The following ZBTB46 variants were observed in gnomAD, a reference collection of about 807,000 sequenced individuals.
ZBTB46 encodes the protein zinc finger and BTB domain containing 46.
In ZBTB46, 8 loss-of-function variants were observed where a neutral mutation model predicts 44.1. The ratio of observed to expected loss-of-function variants is 0.18; its 90% CI spans 0.11 to 0.33. ZBTB46 has a LOEUF of 0.33. ZBTB46 is among the 10% of genes least tolerant of loss of function. ZBTB46 has a pLI of 1.00. For synonymous variants in ZBTB46, 409 were observed against 382.3 expected (o/e 1.07, Z -0.81); for missense variants, 651 against 847.7 (o/e 0.77, Z 2.88).
At chr20:63,759,813 T>C (rs1441695546) in intron 3 of ZBTB46, among the ~76,000 whole-genome samples, 1 of 152,074 alleles carries the variant, frequency 6.6e-6, no homozygotes, top group African/African-American at 2.4e-5. Flanking sequence ...ATTTAGAACA[T>C]TTCTTTATAC....
intron 1 of ZBTB46, among the ~76,000 whole-genome samples, chr20:63,811,969 C>A (rs529084643): frequency 6.6e-6 from 1 of 152,116 alleles, no homozygotes; most frequent in African/African-American, 2.4e-5. Context: ...AGACTCCAAA[C>A]GTGGAAGCAT....
At position 63,812,736 on chromosome 20, in the gene ZBTB46, C is replaced by T. The variant is rs553499860; in HGVS notation, c.-34+18361G>A. 9.8e-4 allele frequency among the ~76,000 whole-genome samples: 148 copies of T among 151,644 alleles called. 1 individual carries two copies. The highest frequency in any genetic ancestry group is 1.1e-3 in the Non-Finnish European group (75 of 67,932). On this transcript the variant is annotated intron_variant, in intron 1 of 4. Coordinates refer to ENST00000245663, the MANE Select transcript of ZBTB46 (RefSeq NM_001369741.1). ...GGGGGTTGCCATGAGCCAAGACCAC[C>T]CCACTGCACTCCAGCCTGGTGACAG...
Position 63,812,652 on chromosome 20 carries a change from G to A in ZBTB46, c.-34+18445C>T, listed in dbSNP as rs142106418. Among the ~76,000 whole-genome samples, 1,247 of 152,142 alleles carry A rather than the reference G, an allele frequency of 8.2e-3. 12 individuals carry two copies. Among genetic ancestry groups the A allele is most frequent in the Non-Finnish European group, 0.012 (833 of 67,996 alleles). On this transcript the variant is annotated intron_variant, in intron 1 of 4. Transcript: ENST00000245663. ...AAATTAGCTGGGTGTGGTGGCAGGC[G>A]CCTGTAATCCCAACTACTCGGGAGG...
At chr20:63,771,562 C>G (rs535913436) in intron 3 of ZBTB46, among the ~76,000 whole-genome samples, 35 of 152,320 alleles carry the variant, frequency 2.3e-4, no homozygotes, top group Admixed American at 6.5e-4. Flanking sequence ...AGTGGGGCTA[C>G]GCCGTGAACT....
At position 63,767,450 on chromosome 20, in the gene ZBTB46, C is replaced by T. The variant is rs910011905; in HGVS notation, c.1222+8228G>A. Among the ~76,000 whole-genome samples, 4 of 152,154 alleles carry T rather than the reference C, an allele frequency of 2.6e-5. No individual in the cohort carries two copies. The highest frequency in any genetic ancestry group is 5.9e-5 in the Non-Finnish European group (4 of 68,038). On this transcript the variant is annotated intron_variant, in intron 3 of 4. Transcript: ENST00000245663. The surrounding 1 kb of genome is among the most constrained non-coding windows in gnomAD (Gnocchi z 5.0). Reference sequence around the variant, plus strand: ...GAAATGACCACAGAAAGGCACACACCGGCTCCCAGTCACAGCTCTCCGCAG... The same window carrying T: ...GAAATGACCACAGAAAGGCACACACTGGCTCCCAGTCACAGCTCTCCGCAG...
chr20:63,758,138 A>G (rs9753544), intron 3 of ZBTB46, among the ~76,000 whole-genome samples: 512 of 1,008 alleles, frequency 0.51, 187 homozygotes, highest in East Asian at 0.75. Flanking sequence ...CACCCGCCCC[A>G]TCCAGAGCTC....
chr20:63,789,390 C>T (rs914980027), intron 2 of ZBTB46, among the ~76,000 whole-genome samples: 12 of 152,212 alleles, frequency 7.9e-5, no homozygotes, highest in African/African-American at 2.9e-4. Context: ...CTGAAGGCCA[C>T]CCTGGCAAGC....
chr20:63,803,022 A>G lies in ZBTB46; in HGVS notation c.-33-12232T>C, dbSNP rs553341208. 1.3e-5 allele frequency among the ~76,000 whole-genome samples: 2 copies of G among 152,246 alleles called. No homozygotes were observed. The highest frequency in any genetic ancestry group is 4.1e-4 in the South Asian group (2 of 4,824). Reference sequence around the variant, plus strand: ...TGACGCCCCGTTTCTACCACCAAAGAGCGCGATGCCACAGACGCCAACAGG... The same window carrying G: ...TGACGCCCCGTTTCTACCACCAAAGGGCGCGATGCCACAGACGCCAACAGG... On this transcript the variant is annotated intron_variant, in intron 1 of 4. Transcript: ENST00000245663. The surrounding 1 kb of genome is among the most constrained non-coding windows in gnomAD (Gnocchi z 4.0).
chr20:63,762,931 A>G (rs2092290170), intron 3 of ZBTB46, among the ~76,000 whole-genome samples: 1 of 152,150 alleles, frequency 6.6e-6, no homozygotes, highest in Non-Finnish European at 1.5e-5. Flanking sequence ...GCACAATCAT[A>G]GCACATGGTA....
chr20:63,770,196 GA>G (rs1178084670), intron 3 of ZBTB46, among the ~76,000 whole-genome samples: 1 of 152,230 alleles, frequency 6.6e-6, no homozygotes, highest in Non-Finnish European at 1.5e-5. Flanking sequence ...TTGTCAGTGT[GA>G]AGTTGGCTTC....
At chr20:63,822,257 G>C (rs1329790479) in intron 1 of ZBTB46, among the ~76,000 whole-genome samples, 1 of 152,204 alleles carries the variant, frequency 6.6e-6, no homozygotes, top group Non-Finnish European at 1.5e-5. Flanking sequence ...GGAGAACCGG[G>C]AATAAACGAC....
chr20:63,763,485 G>A (rs562606331), intron 3 of ZBTB46, among the ~76,000 whole-genome samples: 1 of 152,308 alleles, frequency 6.6e-6, no homozygotes, highest in South Asian at 2.1e-4. Flanking sequence ...AAGTCGAAGA[G>A]GGAGCGAGCG....
In ZBTB46 at chr20:63,746,950, CCTT is replaced by C. The variant is rs770916823; in HGVS notation, c.1747_1749del (p.Lys583del). On this transcript the variant is annotated inframe_deletion, in exon 5 of 5. Coordinates refer to ENST00000245663, the MANE Select transcript of ZBTB46 (RefSeq NM_001369741.1). ...CGGGCCTAGGAGAGCCAGGCGAAGT[CCTT>C]GTCAGGGCCTCCTGGGGGGCTGCGC... is the stretch of plus-strand genomic sequence containing the variant. The C allele has an allele frequency of 5.1e-6, 8 of 1,577,948 alleles. No homozygotes were observed. The highest frequency in any genetic ancestry group is 6.9e-6 in the Non-Finnish European group (8 of 1,165,928).
At chr20:63,796,619 A>T (rs1292206121) in intron 1 of ZBTB46, among the ~76,000 whole-genome samples, 1 of 152,218 alleles carries the variant, frequency 6.6e-6, no homozygotes, top group Non-Finnish European at 1.5e-5. Context: ...TGAGGTCAGG[A>T]GTTCAAGACC....
chr20:63,790,480 G>A lies in ZBTB46; in HGVS notation c.278C>T (p.Ala93Val), dbSNP rs2145928880. ...FKAIIDFMYS[A>V]HLALTSRNVI... ...GTTCCTGCTGGTGAGCGCCAGGTGC[G>A]CTGAGTACATGAAGTCGATGATGGC... The change falls in exon 2 of 5, where the codon GCG (alanine) becomes GTG (valine). Residue 93 changes from alanine to valine, a missense_variant. Ala to Val is a moderately conservative substitution (Grantham distance 64). Coordinates refer to ENST00000245663, the MANE Select transcript of ZBTB46 (RefSeq NM_001369741.1). 2 of 1,613,502 alleles carry A rather than the reference G, an allele frequency of 1.2e-6. No homozygotes were observed. Among genetic ancestry groups the A allele is most frequent in the African/African-American group, 1.3e-5 (1 of 75,060 alleles).
At chr20:63,802,648 C>T (rs1416191030) in intron 1 of ZBTB46, among the ~76,000 whole-genome samples, 1 of 128,190 alleles carries the variant, frequency 7.8e-6, no homozygotes, top group African/African-American at 3.0e-5. Context: ...GGTGGGCCGA[C>T]AACCGAACCT....
chr20:63,757,542 C>T (rs1374853529), intron 3 of ZBTB46, among the ~76,000 whole-genome samples: 1 of 152,142 alleles, frequency 6.6e-6, no homozygotes, highest in Admixed American at 6.5e-5. Flanking sequence ...GCCCTGGCGG[C>T]GTGTCTACCC....
At chr20:63,823,093 G>A (rs554373566) in intron 1 of ZBTB46, among the ~76,000 whole-genome samples, 6 of 145,428 alleles carry the variant, frequency 4.1e-5, no homozygotes, top group East Asian at 2.2e-4. Context: ...ACTTGAAACC[G>A]AGAGGTGGAG....
chr20:63,789,919 C>T lies in ZBTB46; in HGVS notation c.839G>A (p.Arg280Gln), dbSNP rs1451275959. The T allele has an allele frequency of 5.0e-6, 8 of 1,613,940 alleles. No individual in the cohort carries two copies. Among genetic ancestry groups the T allele is most frequent in the Non-Finnish European group, 6.8e-6 (8 of 1,180,046 alleles). Residue 280 changes from arginine to glutamine, a missense_variant, in exon 2 of 5, where the codon CGG becomes CAG. Around this residue, in one of 5 missense-constraint regions of ZBTB46, gnomAD observed 385 missense variants for 423.3 expected, o/e 0.91. Transcript: ENST00000245663. ...ATCTTCCACCTGCTGTGTGATGTGC[C>T]GGACGGTCTCTTTGTTTTTCCGATT... ...RKNRKNKETV[R>Q]HITQQVEDDS... is the part of the protein sequence containing the mutation.
Sources: gnomAD v4.1 joint callset for allele counts (sites outside exome capture counted in the v4.1 genomes callset) on GRCh38, gnomAD v4.1.1 for gene constraint, gnomAD v4.1.1 regional missense constraint, Gnocchi (gnomAD v3.1) non-coding constraint, MANE v1.5 for transcripts, NCBI Gene and HGNC (gene_info 2026-07-23, HGNC 2026-07-21) for gene names.